IPMK: variants seen among roughly 807,000 people sequenced by gnomAD.
IPMK encodes inositol polyphosphate multikinase, also known as inositol 1,3,4,6-tetrakisphosphate 5-kinase.
Under a neutral mutation model 45.8 loss-of-function variants are expected in IPMK, and 17 were observed. The observed-to-expected ratio is 0.37, with a 90% confidence interval of 0.25 to 0.56. The LOEUF is 0.56. IPMK is among the 20% of genes least tolerant of loss of function. The probability of loss-of-function intolerance (pLI) is 0.79; values close to 1 mark genes in which losing one functional copy is unlikely to be tolerated. For synonymous variants in IPMK, 180 were observed against 184.3 expected, an observed-to-expected ratio of 0.98 and a Z score of 0.19; for missense variants, 399 against 498.0, an observed-to-expected ratio of 0.80 and a Z score of 1.89.
At position 58,193,873 on chromosome 10, in the gene IPMK, T is replaced by A. The variant is rs1158294003; in HGVS notation, c.*2203A>T. On this transcript the variant is annotated 3_prime_UTR_variant, in exon 6 of 6. Coordinates refer to ENST00000373935, the MANE Select transcript of IPMK (RefSeq NM_152230.5). ...CATGTAGATTAGATAAACAGATACT[T>A]ATTCTGTTATACCTAAGCCTACTTA... The A allele has an allele frequency of 6.6e-6, 1 of 151,794 alleles. No individual in the cohort carries two copies. The highest frequency in any genetic ancestry group is 1.5e-5 in the Non-Finnish European group (1 of 67,720). The allele number at this position is 151,794 out of a possible 1,614,324, so 9.4% of individuals were successfully genotyped here.
At chr10:58,211,755 A>G (rs1390386645) in intron 4 of IPMK, among the ~76,000 whole-genome samples, 5 of 150,922 alleles carry the variant, frequency 3.3e-5, no homozygotes, top group Non-Finnish European at 5.9e-5. Context: ...CTAAAAAAAA[A>G]AAAAAAAATC....
At chr10:58,253,011 G>A (rs1029383346) in intron 1 of IPMK, among the ~76,000 whole-genome samples, 1 of 152,130 alleles carries the variant, frequency 6.6e-6, no homozygotes, top group African/African-American at 2.4e-5. Context: ...ACATGGTTTG[G>A]CTGTGTCCCC....
At chr10:58,255,765 G>A (rs535257403) in intron 1 of IPMK, among the ~76,000 whole-genome samples, 16 of 151,994 alleles carry the variant, frequency 1.1e-4, no homozygotes, top group Admixed American at 9.2e-4. Context: ...ACAGTGTTCC[G>A]GGAAGTCAGA....
chr10:58,231,951 C>T (rs1400118107), intron 2 of IPMK, among the ~76,000 whole-genome samples: 1 of 152,062 alleles, frequency 6.6e-6, no homozygotes, highest in African/African-American at 2.4e-5. Flanking sequence ...TGCAAAGATG[C>T]ACATAGGCTC....
intron 3 of IPMK, among the ~76,000 whole-genome samples, chr10:58,218,893 C>T (rs917854702): frequency 1.3e-5 from 2 of 152,150 alleles, no homozygotes; most frequent in African/African-American, 4.8e-5. Context: ...TAAATGTTTG[C>T]TGAATGAATG....
At chr10:58,267,320 G>T in intron 1 of IPMK, 102 bp downstream of exon 1, 3 of 1,158,142 alleles carry the variant, frequency 2.6e-6, no homozygotes, top group East Asian at 4.9e-5. Flanking sequence ...GTGCACACCA[G>T]GGGGGCGTCC....
intron 1 of IPMK, among the ~76,000 whole-genome samples, chr10:58,251,613 T>C (rs1188533863): frequency 6.6e-6 from 1 of 152,188 alleles, no homozygotes; most frequent in African/African-American, 2.4e-5. Context: ...TTAAAGTCAA[T>C]TTCTCCCTTT....
rs565805377 is a variant in IPMK, at chr10:58,195,357, AAT to A, written c.*717_*718del. On this transcript the variant is annotated 3_prime_UTR_variant, in exon 6 of 6. Coordinates refer to ENST00000373935, the MANE Select transcript of IPMK (RefSeq NM_152230.5). ...AAAGGAAAATATTTTGTTCCTTGAA[AAT>A]AATATCTCTCTTCCCCTAACCCCAG... The A allele has an allele frequency of 8.5e-5, 13 of 152,206 alleles. No homozygotes were observed. The South Asian group carries it at 2.5e-3, about 29-fold the overall frequency. The allele number at this position is 152,206 out of a possible 1,614,324, so 9.4% of individuals were successfully genotyped here. A position where few individuals can be genotyped will look rare whatever the true frequency, so the allele number is the denominator to read the frequency against.
chr10:58,199,293 T>C lies in IPMK; in HGVS notation c.575A>G (p.Glu192Gly). 6.2e-7 allele frequency: 1 copy of C among 1,608,798 alleles called. No individual in the cohort carries two copies. The highest frequency in any genetic ancestry group is 8.5e-7 in the Non-Finnish European group (1 of 1,177,362). ...RVYHVHSDSY[E>G]TENQHYGRSL... ...TCTTCCGTAATGCTGGTTTTCTGTCTCATAGCTATCGGAATGAACATGATA... is the reference window on the plus strand; with the variant it reads ...TCTTCCGTAATGCTGGTTTTCTGTCCCATAGCTATCGGAATGAACATGATA... Residue 192 changes from glutamate (E) to glycine (G), a missense_variant, in exon 5 of 6, where the codon GAG (glutamate) becomes GGG (glycine). Physicochemically the swap from Glu to Gly is moderately conservative, Grantham distance 98 (BLOSUM62 -2). This residue lies in a region of IPMK where 288 missense variants were observed against 398.0 expected (regional missense o/e 0.72). Coordinates refer to ENST00000373935, the MANE Select transcript of IPMK (RefSeq NM_152230.5).
At chr10:58,200,072 C>G (rs916162235) in intron 4 of IPMK, among the ~76,000 whole-genome samples, 4 of 152,140 alleles carry the variant, frequency 2.6e-5, no homozygotes, top group Non-Finnish European at 5.9e-5. Context: ...ATCAATTTTA[C>G]TTAAATTAAT....
rs1838780852 is a variant in IPMK at position 58,245,347 on chromosome 10, C to T, written c.191-7533G>A. Among the ~76,000 whole-genome samples, 4 of 152,072 alleles carry T rather than the reference C, an allele frequency of 2.6e-5. No homozygotes were observed. The South Asian group carries it at 6.2e-4, about 24-fold the overall frequency. ...GAAAAAGTAGGCTAGAAAATAATGG[C>T]TCATGCCTATAATCCCAGTACTCTG... On this transcript the variant is annotated intron_variant, in intron 1 of 5. Coordinates refer to ENST00000373935, the MANE Select transcript of IPMK (RefSeq NM_152230.5).
rs1837825250 is a variant in IPMK at position 58,192,017 on chromosome 10, A to G, written c.*4059T>C. The G allele has an allele frequency of 6.6e-6, 1 of 152,084 alleles. No individual in the cohort carries two copies. Among genetic ancestry groups the G allele is most frequent in the South Asian group, 2.1e-4 (1 of 4,836 alleles). The allele number at this position is 152,084 out of a possible 1,614,324, so 9.4% of individuals were successfully genotyped here. ...CTTTGATGACAAAATCTAAAATTAA[A>G]GAAAAGTCTTAAAAGCCTATAGTGA... On this transcript the variant is annotated 3_prime_UTR_variant, in exon 6 of 6. Transcript: ENST00000373935.
At chr10:58,259,672 A>AAAAAAAAAAAAAAAC (rs1554825694) in intron 1 of IPMK, among the ~76,000 whole-genome samples, 3 of 94,578 alleles carry the variant, frequency 3.2e-5, no homozygotes, top group African/African-American at 1.5e-4. Flanking sequence ...ATCTCTACAT[A>AAAAAAAAAAAAAAAC]AAAAAAAAAA....
chr10:58,245,120 A>C (rs2132170758), intron 1 of IPMK, among the ~76,000 whole-genome samples: 1 of 152,130 alleles, frequency 6.6e-6, no homozygotes, highest in South Asian at 2.1e-4. Flanking sequence ...ATTATGTCTT[A>C]TGCTAAAGCA....
intron 4 of IPMK, among the ~76,000 whole-genome samples, chr10:58,211,789 T>G (rs562056105): frequency 1.4e-3 from 126 of 88,892 alleles, no homozygotes; most frequent in Admixed American, 1.6e-3. Flanking sequence ...GGCACATGCC[T>G]GTAGTCCCAG....
In IPMK at chr10:58,211,901, C is replaced by CAAAAAAAAAAAAAAAAAAAAAAAAAA. The variant is rs753050298; in HGVS notation, c.546+4243_546+4244insTTTTTTTTTTTTTTTTTTTTTTTTTT. On this transcript the variant is annotated intron_variant, in intron 4 of 5. Transcript: ENST00000373935. ...CACTCCAGCCTGGGTGACATCTCAC[C>CAAAAAAAAAAAAAAAAAAAAAAAAAA]AAAAAAAAAAAAAAAAAAAAAAAAT... Among the ~76,000 whole-genome samples the CAAAAAAAAAAAAAAAAAAAAAAAAAA allele has an allele frequency of 2.7e-3, 134 of 50,354 alleles. 7 individuals are homozygous for CAAAAAAAAAAAAAAAAAAAAAAAAAA. Among genetic ancestry groups the CAAAAAAAAAAAAAAAAAAAAAAAAAA allele is most frequent in the East Asian group, 8.4e-3 (11 of 1,306 alleles). The allele number at this position is 50,354 out of a possible 152,430, so 33.0% of individuals were successfully genotyped here. A position where few individuals can be genotyped will look rare whatever the true frequency, so the allele number is the denominator to read the frequency against.
intron 1 of IPMK, among the ~76,000 whole-genome samples, chr10:58,259,678 A>AAAAACAAAAAAAAC (rs1554825699): frequency 6.9e-6 from 1 of 144,498 alleles, no homozygotes; most frequent in African/African-American, 2.7e-5. Flanking sequence ...ACATAAAAAA[A>AAAAACAAAAAAAAC]AAAAAAAAAC....
chr10:58,264,861 A>T (rs1000070739), intron 1 of IPMK, among the ~76,000 whole-genome samples: 8 of 152,164 alleles, frequency 5.3e-5, no homozygotes, highest in African/African-American at 1.4e-4. Context: ...TTATTTGTAT[A>T]AAAAAACAGA....
At chr10:58,198,039 AC>A (rs1178369392) in intron 5 of IPMK, among the ~76,000 whole-genome samples, 29 of 152,210 alleles carry the variant, frequency 1.9e-4, no homozygotes, top group African/African-American at 5.8e-4. Flanking sequence ...AAAACAAAAA[AC>A]AAAACAAAAC....
Sources: gnomAD v4.1 joint callset for allele counts (sites outside exome capture counted in the v4.1 genomes callset) on GRCh38, gnomAD v4.1.1 for gene constraint, gnomAD v4.1.1 regional missense constraint, MANE v1.5 for transcripts, NCBI Gene and HGNC (gene_info 2026-07-23, HGNC 2026-07-21) for gene names.